The following C18orf63 variants were observed in gnomAD, a reference collection of about 807,000 sequenced individuals.
C18orf63 encodes the protein chromosome 18 open reading frame 63.
Under a neutral mutation model 75.3 loss-of-function variants are expected in C18orf63, and 50 were observed. The ratio of observed to expected loss-of-function variants is 0.66; its 90% CI spans 0.53 to 0.84. The LOEUF (loss-of-function observed/expected upper bound fraction) is 0.84, where lower values mean the gene tolerates loss of function less well. Among genes scored for constraint, C18orf63 ranks in the 40% least tolerant of loss-of-function variants. The pLI, the probability that C18orf63 is intolerant of heterozygous loss-of-function variation, is 0.00. For synonymous variants in C18orf63, 232 were observed against 267.6 expected, an observed-to-expected ratio of 0.87 and a Z score of 1.30; for missense variants, 732 against 800.2, an observed-to-expected ratio of 0.91 and a Z score of 1.03.
chr18:74,345,698 T>A (rs1174704623), intron 11 of C18orf63, among the ~76,000 whole-genome samples: 1 of 152,122 alleles, frequency 6.6e-6, no homozygotes, highest in Admixed American at 6.5e-5. Flanking sequence ...TTGTCATAAA[T>A]CCAGTGTCTT....
intron 7 of C18orf63, among the ~76,000 whole-genome samples, chr18:74,331,656 G>A (rs1427002040): frequency 2.0e-5 from 3 of 152,112 alleles, no homozygotes; most frequent in African/African-American, 4.8e-5. Flanking sequence ...CCCCTGCACA[G>A]GACAGCCATC....
intron 4 of C18orf63, among the ~76,000 whole-genome samples, chr18:74,323,190 T>A (rs1984154042): frequency 6.6e-6 from 1 of 152,222 alleles, no homozygotes; most frequent in Non-Finnish European, 1.5e-5. Flanking sequence ...GAGACCTCTC[T>A]GTGTCTCAGT....
At position 74,357,182 on chromosome 18, in the gene C18orf63, T is replaced by C. The variant is rs1045590149; in HGVS notation, c.*735T>C. On this transcript the variant is annotated 3_prime_UTR_variant, in exon 14 of 14. Coordinates refer to ENST00000579455, the MANE Select transcript of C18orf63 (RefSeq NM_001174123.2). ...GCCTTTATTGGGGTGGAGATTTCTG[T>C]TTCCACCAGTACTCATTAGCATCTT... 2 of 152,200 alleles carry C rather than the reference T, an allele frequency of 1.3e-5. No individual in the cohort carries two copies. Among genetic ancestry groups the C allele is most frequent in the Admixed American group, 6.5e-5 (1 of 15,278 alleles). The allele number at this position is 152,200 out of a possible 1,614,324, so 9.4% of individuals were successfully genotyped here. A position where few individuals can be genotyped will look rare whatever the true frequency, so the allele number is the denominator to read the frequency against.
intron 2 of C18orf63, among the ~76,000 whole-genome samples, chr18:74,320,178 T>C (rs1481800919): frequency 6.6e-6 from 1 of 152,202 alleles, no homozygotes; most frequent in Non-Finnish European, 1.5e-5. Context: ...AAAAGAGGTT[T>C]AATTGACTCA....
intron 11 of C18orf63, among the ~76,000 whole-genome samples, chr18:74,347,997 C>A (rs1984602740): frequency 6.6e-6 from 1 of 151,940 alleles, no homozygotes. Flanking sequence ...TTTTATATAA[C>A]CCCTATGTTA....
chr18:74,324,414 C>T (rs1241166710), intron 4 of C18orf63, among the ~76,000 whole-genome samples: 1 of 152,050 alleles, frequency 6.6e-6, no homozygotes, highest in Non-Finnish European at 1.5e-5. Flanking sequence ...TATTTAAAAG[C>T]TTGGTGATTT....
At chr18:74,348,675 T>C (rs1024288467) in intron 11 of C18orf63, among the ~76,000 whole-genome samples, 2 of 152,186 alleles carry the variant, frequency 1.3e-5, no homozygotes, top group African/African-American at 4.8e-5. Flanking sequence ...GATAATGATA[T>C]AATAAAGCAT....
chr18:74,346,098 T>TG (rs1347636250), intron 11 of C18orf63, among the ~76,000 whole-genome samples: 1 of 152,120 alleles, frequency 6.6e-6, no homozygotes, highest in African/African-American at 2.4e-5. Flanking sequence ...AATAATAGTT[T>TG]ATAACTTTAT....
At chr18:74,340,911 A>T (rs1329020322) in intron 8 of C18orf63, among the ~76,000 whole-genome samples, 1 of 152,132 alleles carries the variant, frequency 6.6e-6, no homozygotes. Flanking sequence ...TTTCAGTTAT[A>T]TAGGAAGGAT....
intron 6 of C18orf63, among the ~76,000 whole-genome samples, chr18:74,330,564 G>A (rs531460195): frequency 8.2e-4 from 125 of 152,142 alleles, no homozygotes; most frequent in African/African-American, 3.0e-3. Context: ...TCAGATTTGT[G>A]TAAGGTATTT....
At chr18:74,336,707 C>T (rs1984397526) in intron 7 of C18orf63, among the ~76,000 whole-genome samples, 1 of 152,058 alleles carries the variant, frequency 6.6e-6, no homozygotes, top group African/African-American at 2.4e-5. Flanking sequence ...GTACTAATGG[C>T]AGTCAGACCC....
rs1204116935 is a variant in C18orf63, at chr18:74,353,330, T to A, written c.1063T>A (p.Cys355Ser). ...LTQATSRKPACAQSLLPCSVA... is the reference protein window; with the variant it reads ...LTQATSRKPASAQSLLPCSVA... The stretch of plus-strand genomic sequence containing the variant: ...TCAAGCCACTTCCAGAAAGCCTGCC[T>A]GTGCTCAAAGTCTTCTACCATGTTC... The change falls in exon 12 of 14, where the codon TGT becomes AGT. Residue 355 changes from cysteine to serine, a missense_variant. By Grantham distance (112) the Cys-to-Ser change is moderately radical (BLOSUM62 -1). Around this residue, in one of 3 missense-constraint regions of C18orf63, gnomAD observed 495 missense variants for 508.7 expected, o/e 0.97. Coordinates refer to ENST00000579455, the MANE Select transcript of C18orf63 (RefSeq NM_001174123.2). The A allele has an allele frequency of 7.2e-6, 11 of 1,536,450 alleles. No individual in the cohort carries two copies. Among genetic ancestry groups the A allele is most frequent in the Non-Finnish European group, 9.6e-6 (11 of 1,146,992 alleles).
rs770076635 is a variant in C18orf63 at position 74,343,679 on chromosome 18, G to A, written c.955G>A (p.Glu319Lys). ...AAGTAAACCATGCTACTACACACAA[G>A]AACTAACTAAACCTAATATACAGGT... ...MTSKPCYYTQ[E>K]LTKPNIQEHK... Residue 319 changes from glutamate (E) to lysine (K), a missense_variant, in exon 11 of 14, where the codon GAA becomes AAA. This residue lies in a region of C18orf63 where 495 missense variants were observed against 508.7 expected (regional missense o/e 0.97). Transcript: ENST00000579455. 1.6e-5 allele frequency: 25 copies of A among 1,527,672 alleles called. No individual in the cohort carries two copies. In the South Asian group the frequency reaches 3.0e-4, roughly 18 times the overall value. The allele number at this position is 1,527,672 out of a possible 1,614,324, so 94.6% of individuals were successfully genotyped here.
intron 11 of C18orf63, among the ~76,000 whole-genome samples, chr18:74,345,830 T>G (rs1984564909): frequency 6.6e-6 from 1 of 151,980 alleles, no homozygotes; most frequent in Non-Finnish European, 1.5e-5. Flanking sequence ...TTATATTTAT[T>G]ATAAATAGTG....
intron 4 of C18orf63, among the ~76,000 whole-genome samples, chr18:74,325,403 T>C (rs553609405): frequency 1.2e-3 from 187 of 152,350 alleles, no homozygotes; most frequent in Non-Finnish European, 2.2e-3. Flanking sequence ...CTTTATAACT[T>C]GAATCTTTTT....
Position 74,354,055 on chromosome 18 carries a change from T to C in C18orf63, c.1788T>C (p.Ile596=). 1 of 1,536,310 alleles carries C rather than the reference T, an allele frequency of 6.5e-7. No homozygotes were observed. Among genetic ancestry groups the C allele is most frequent in the Non-Finnish European group, 8.7e-7 (1 of 1,146,936 alleles). ...TAAAACTGAAAAGACAGCCACACATTTTTGAATCAGATGGAGAAACCGAAG... is the reference window on the plus strand; with the variant it reads ...TAAAACTGAAAAGACAGCCACACATCTTTGAATCAGATGGAGAAACCGAAG... ...GSLKLKRQPH[I]FESDGETEDP... is the part of the protein sequence containing the mutation. The change falls in exon 12 of 14, where the codon ATT becomes ATC. Residue 596 remains isoleucine, a synonymous_variant. Transcript: ENST00000579455.
At chr18:74,321,940 T>G (rs146096800) in intron 3 of C18orf63, among the ~76,000 whole-genome samples, 1 of 152,332 alleles carries the variant, frequency 6.6e-6, no homozygotes, top group African/African-American at 2.4e-5. Flanking sequence ...TCTTTCCATG[T>G]CAGTACACAT....
chr18:74,326,493 A>G (rs1407118000), intron 4 of C18orf63, among the ~76,000 whole-genome samples: 1 of 152,150 alleles, frequency 6.6e-6, no homozygotes, highest in Non-Finnish European at 1.5e-5. Flanking sequence ...TGACCTCCAG[A>G]GTTTGCTTTC....
chr18:74,351,788 C>T (rs907362368), intron 11 of C18orf63, among the ~76,000 whole-genome samples: 2 of 152,146 alleles, frequency 1.3e-5, no homozygotes, highest in Non-Finnish European at 2.9e-5. Context: ...CTCTTCTCAA[C>T]CTAATTCAAC....
Sources: allele counts gnomAD v4.1 joint callset (sites outside exome capture counted in the v4.1 genomes callset), GRCh38; gene constraint gnomAD v4.1.1; regional missense constraint gnomAD v4.1.1; transcripts MANE v1.5; gene names NCBI Gene and HGNC (gene_info 2026-07-23, HGNC 2026-07-21).